The following AJAP1 variants were observed in gnomAD, a reference collection of about 807,000 sequenced individuals.
The protein encoded by AJAP1 is adherens junctions associated protein 1.
In AJAP1, 5 loss-of-function variants were observed where a neutral mutation model predicts 35.0. The ratio of observed to expected loss-of-function variants is 0.14; its 90% CI spans 0.07 to 0.30. The LOEUF (loss-of-function observed/expected upper bound fraction) is 0.30. AJAP1 is among the 10% of genes least tolerant of loss of function. The pLI is 1.00. For missense variants in AJAP1, 586 were observed against 571.0 expected, an observed-to-expected ratio of 1.03 and a Z score of -0.27; for synonymous variants, 284 against 249.3, an observed-to-expected ratio of 1.14 and a Z score of -1.31.
Position 4,787,767 on chromosome 1 carries a change from G to A in AJAP1, c.*5282G>A, listed in dbSNP as rs569942535. 58 of 455,114 alleles carry A rather than the reference G, an allele frequency of 1.3e-4. No individual in the cohort carries two copies. Among genetic ancestry groups the A allele is most frequent in the East Asian group, 7.7e-4 (11 of 14,326 alleles). The allele number at this position is 455,114 out of a possible 1,614,324, so 28.2% of individuals were successfully genotyped here. A position where few individuals can be genotyped will look rare whatever the true frequency, so the allele number is the denominator to read the frequency against. ...CTCAAGGAGGATAAGGGGGTTCAAC[G>A]TCAGCGACTTGGCCCACGGGGCACG... On this transcript the variant is annotated 3_prime_UTR_variant, in exon 6 of 6. Transcript: ENST00000378191.
At chr1:4,679,808 G>GGTGTGTGTGTGTGTGTGT (rs60846836) in intron 1 of AJAP1, among the ~76,000 whole-genome samples, 12 of 142,324 alleles carry the variant, frequency 8.4e-5, no homozygotes, top group East Asian at 8.3e-4. Flanking sequence ...GAACCAATAG[G>GGTGTGTGTGTGTGTGTGT]GTGTGTGTGT....
intron 2 of AJAP1, among the ~76,000 whole-genome samples, chr1:4,744,637 AC>A (rs1240533992): frequency 1.3e-5 from 2 of 151,698 alleles, no homozygotes; most frequent in Non-Finnish European, 2.9e-5. Flanking sequence ...ACACACACAC[AC>A]ACACACACAC....
rs1570224784 is a variant in AJAP1, at chr1:4,772,295, G to A, written c.933G>A (p.Gly311=). The A allele has an allele frequency of 1.9e-6, 3 of 1,614,090 alleles. No individual in the cohort carries two copies. The highest frequency in any genetic ancestry group is 1.7e-6 in the Non-Finnish European group (2 of 1,179,998). The change falls in exon 4 of 6, where the codon GGG becomes GGA. Residue 311 remains glycine (G), a synonymous_variant. Transcript: ENST00000378191. ...TCTCTTCCAGCTGTGCCCAAAGCGG[G>A]AACACTCGTCGGAACAGCCACCAGC... ...LVLKNCCAQS[G]NTRRNSHQRK...
intron 2 of AJAP1, among the ~76,000 whole-genome samples, chr1:4,735,292 G>A (rs1018054280): frequency 5.9e-5 from 9 of 152,338 alleles, no homozygotes; most frequent in Admixed American, 6.5e-5. Flanking sequence ...TCACATAGGG[G>A]AGATGGGGAG....
chr1:4,739,467 C>T (rs1641008195), intron 2 of AJAP1, among the ~76,000 whole-genome samples: 1 of 152,208 alleles, frequency 6.6e-6, no homozygotes, highest in Non-Finnish European at 1.5e-5. Flanking sequence ...GGTCTCCTTG[C>T]CACCTTCTGA....
intron 1 of AJAP1, among the ~76,000 whole-genome samples, chr1:4,684,221 G>T (rs915432125): frequency 1.3e-5 from 2 of 152,212 alleles, no homozygotes; most frequent in Admixed American, 1.3e-4. Context: ...TGTTTGGGGG[G>T]CAGCTGTTAA....
At chr1:4,751,906 C>T (rs1379583601) in intron 2 of AJAP1, among the ~76,000 whole-genome samples, 2 of 152,222 alleles carry the variant, frequency 1.3e-5, no homozygotes, top group East Asian at 1.9e-4. Context: ...GACACAGCAG[C>T]TGAGGAGTCA....
In AJAP1 at chr1:4,791,777, G is replaced by C. The variant is rs1411774396; in HGVS notation, c.*9292G>C. 6.6e-6 allele frequency: 1 copy of C among 152,242 alleles called. No homozygotes were observed. Among genetic ancestry groups the C allele is most frequent in the African/African-American group, 2.4e-5 (1 of 41,460 alleles). 9.4% of individuals were successfully genotyped at this position (152,242 alleles called of 1,614,324 possible). A position where few individuals can be genotyped will look rare whatever the true frequency, so the allele number is the denominator to read the frequency against. On this transcript the variant is annotated 3_prime_UTR_variant, in exon 6 of 6. Coordinates refer to ENST00000378191, the MANE Select transcript of AJAP1 (RefSeq NM_018836.4). ...ATGGGGCATCTGTCTAAGAGTCACA[G>C]ATCTGAGAAATAGAAGGACCAGGTC...
chr1:4,739,093 T>G (rs898680344), intron 2 of AJAP1, among the ~76,000 whole-genome samples: 2 of 152,148 alleles, frequency 1.3e-5, no homozygotes, highest in Admixed American at 1.3e-4. Flanking sequence ...TTGGTGAGAC[T>G]CCTGGTACCT....
At chr1:4,718,733 A>G (rs1216352010) in intron 2 of AJAP1, among the ~76,000 whole-genome samples, 5 of 152,142 alleles carry the variant, frequency 3.3e-5, no homozygotes, top group African/African-American at 4.8e-5. Flanking sequence ...CACCTGCCTC[A>G]GCCTCCCAAA....
In AJAP1 at chr1:4,685,404, TAGAA is replaced by T. The variant is rs1570109550; in HGVS notation, c.30-26493_30-26490del. 4.6e-5 allele frequency among the ~76,000 whole-genome samples: 7 copies of T among 152,276 alleles called. No homozygotes were observed. The South Asian group carries it at 1.5e-3, about 32-fold the overall frequency. On this transcript the variant is annotated intron_variant, in intron 1 of 5. Transcript: ENST00000378191. ...TCCCTTTGATGGAACAAGTGTCAAA[TAGAA>T]AGGATATAAACAAGCTCCCATGTCA...
chr1:4,713,354 A>G (rs1191226954), intron 2 of AJAP1, among the ~76,000 whole-genome samples: 1 of 152,210 alleles, frequency 6.6e-6, no homozygotes, highest in Non-Finnish European at 1.5e-5. Context: ...TGTTTGGAGG[A>G]CGGAGATCAG....
In AJAP1 at chr1:4,720,752, A is replaced by T. The variant is rs1640498182; in HGVS notation, c.829+8053A>T. Among the ~76,000 whole-genome samples, 1 of 152,160 alleles carries T rather than the reference A, an allele frequency of 6.6e-6. No individual in the cohort carries two copies. The highest frequency in any genetic ancestry group is 1.5e-5 in the Non-Finnish European group (1 of 68,028). On this transcript the variant is annotated intron_variant, in intron 2 of 5. Coordinates refer to ENST00000378191, the MANE Select transcript of AJAP1 (RefSeq NM_018836.4). The surrounding 1 kb of genome is among the most constrained non-coding windows in gnomAD (Gnocchi z 4.4). ...ATCGAATGGTGTTTGTGGTGGGAAAATGCCATTTGCTTTCTGTGACCTTCA... is the reference window on the plus strand; with the variant it reads ...ATCGAATGGTGTTTGTGGTGGGAAATTGCCATTTGCTTTCTGTGACCTTCA...
At chr1:4,769,993 T>A in intron 3 of AJAP1, 53 bp downstream of exon 3, 1 of 1,476,580 alleles carries the variant, frequency 6.8e-7, no homozygotes, top group Non-Finnish European at 9.5e-7. Flanking sequence ...CCGGGGTCCC[T>A]GGGTGGTGAA....
At chr1:4,714,021 C>T (rs1308174376) in intron 2 of AJAP1, among the ~76,000 whole-genome samples, 1 of 152,218 alleles carries the variant, frequency 6.6e-6, no homozygotes, top group Non-Finnish European at 1.5e-5. Flanking sequence ...ACCGGGCAGT[C>T]CTTGGACAGG....
In AJAP1 at chr1:4,693,596, A is replaced by G. The variant is rs1040589141; in HGVS notation, c.30-18304A>G. 1.3e-5 allele frequency among the ~76,000 whole-genome samples: 2 copies of G among 152,212 alleles called. No individual in the cohort carries two copies. The highest frequency in any genetic ancestry group is 4.8e-5 in the African/African-American group (2 of 41,458). On this transcript the variant is annotated intron_variant, in intron 1 of 5. Transcript: ENST00000378191. This position sits in a 1 kb window ranked among gnomAD's most constrained non-coding sequence, Gnocchi z 4.4. Reference sequence around the variant, plus strand: ...AGGAAGAGTTGCCAGCTCATGTCAGACTTGATTAGTGCCTGTCTTAGCCTG... The same window carrying G: ...AGGAAGAGTTGCCAGCTCATGTCAGGCTTGATTAGTGCCTGTCTTAGCCTG...
chr1:4,696,741 G>A (rs376083762), intron 1 of AJAP1, among the ~76,000 whole-genome samples: 6 of 152,330 alleles, frequency 3.9e-5, no homozygotes, highest in African/African-American at 1.4e-4. Context: ...ACGCACCTGC[G>A]TTCTGTGTGT....
intron 1 of AJAP1, among the ~76,000 whole-genome samples, chr1:4,691,009 G>C (rs565936086): frequency 6.6e-6 from 1 of 152,322 alleles, no homozygotes; most frequent in East Asian, 1.9e-4. Context: ...TAAGCCTGAA[G>C]CCAGGGGTGC....
chr1:4,703,329 A>G (rs1640030749), intron 1 of AJAP1, among the ~76,000 whole-genome samples: 1 of 152,176 alleles, frequency 6.6e-6, no homozygotes, highest in South Asian at 2.1e-4. Context: ...TCCCCTGAGT[A>G]GAGGGGGTTG....
Sources: allele counts gnomAD v4.1 joint callset (sites outside exome capture counted in the v4.1 genomes callset), GRCh38; gene constraint gnomAD v4.1.1; non-coding constraint Gnocchi (gnomAD v3.1); transcripts MANE v1.5; gene names NCBI Gene and HGNC (gene_info 2026-07-23, HGNC 2026-07-21).